Variants in MICU2 observed in about 807,000 individuals in gnomAD.
The protein encoded by MICU2 is mitochondrial calcium uptake 2, also known as calcium uptake protein 2, mitochondrial.
A neutral mutation model predicts 60.4 loss-of-function variants in MICU2; 64 were observed. The ratio of observed to expected loss-of-function variants is 1.06; its 90% CI spans 0.87 to 1.31. MICU2 has a LOEUF of 1.31. Ranked by LOEUF, MICU2 falls within the 50% of genes most tolerant of loss-of-function variation. The pLI is 0.00. For missense variants in MICU2, 569 were observed against 531.0 expected (o/e 1.07, Z -0.70); for synonymous variants, 201 against 175.0 (o/e 1.15, Z -1.17).
intron 2 of MICU2, among the ~76,000 whole-genome samples, chr13:21,545,659 C>G (rs557993598): frequency 6.7e-6 from 1 of 148,720 alleles, no homozygotes; most frequent in Non-Finnish European, 1.5e-5. Context: ...CCAGCAAGAG[C>G]GAAAACTCCA....
chr13:21,593,784 G>C (rs1306239679), intron 1 of MICU2, among the ~76,000 whole-genome samples: 1 of 152,058 alleles, frequency 6.6e-6, no homozygotes, highest in Non-Finnish European at 1.5e-5. Flanking sequence ...AATGGGGAAA[G>C]GATTACCTAT....
At chr13:21,495,015 AAT>A in intron 11 of MICU2, 144 bp downstream of exon 11, 1 of 535,648 alleles carries the variant, frequency 1.9e-6, no homozygotes, top group Non-Finnish European at 3.1e-6. Flanking sequence ...TCATATATAA[AAT>A]ATATTTCTGT....
intron 1 of MICU2, chr13:21,603,669 C>T (rs995252297): frequency 9.4e-6 from 5 of 529,988 alleles, no homozygotes; most frequent in African/African-American, 8.1e-5. Context: ...TTAGTGCGGC[C>T]AGTTTTGTGG....
chr13:21,544,384 A>T (rs755785229), intron 2 of MICU2, among the ~76,000 whole-genome samples: 2 of 152,086 alleles, frequency 1.3e-5, no homozygotes, highest in Non-Finnish European at 2.9e-5. Context: ...GGGAACAAAC[A>T]AGGGTAAAAA....
At chr13:21,550,602 C>A (rs188634981) in intron 2 of MICU2, among the ~76,000 whole-genome samples, 1 of 152,132 alleles carries the variant, frequency 6.6e-6, no homozygotes, top group Admixed American at 6.5e-5. Context: ...GGGAATAACG[C>A]TCATTATAAA....
intron 6 of MICU2, among the ~76,000 whole-genome samples, chr13:21,518,473 T>C (rs1234750379): frequency 6.6e-6 from 1 of 152,324 alleles, no homozygotes; most frequent in Non-Finnish European, 1.5e-5. Context: ...GGCTCCGCTA[T>C]GCCCACTTTA....
chr13:21,585,445 TA>T (rs1888435358), intron 1 of MICU2, among the ~76,000 whole-genome samples: 2 of 152,204 alleles, frequency 1.3e-5, no homozygotes, highest in African/African-American at 4.8e-5. Context: ...GTACTGTCAT[TA>T]AACCAATGCA....
chr13:21,551,419 C>T (rs1330377456), intron 2 of MICU2: 1 of 152,122 alleles, frequency 6.6e-6, no homozygotes, highest in African/African-American at 2.4e-5. Flanking sequence ...ACACAGACTT[C>T]TTTTTAAAAT....
intron 6 of MICU2, among the ~76,000 whole-genome samples, chr13:21,515,134 T>C (rs905659825): frequency 6.6e-6 from 1 of 151,390 alleles, no homozygotes; most frequent in Non-Finnish European, 1.5e-5. Flanking sequence ...CAGGCTGGAG[T>C]GCAGTGGCAC....
intron 2 of MICU2, among the ~76,000 whole-genome samples, chr13:21,544,400 C>T (rs1183008926): frequency 6.6e-6 from 1 of 151,106 alleles, no homozygotes; most frequent in African/African-American, 2.4e-5. Context: ...AAAAAGACAA[C>T]CTACAGAATG....
At chr13:21,521,891 C>CGTA (rs1482072617) in intron 5 of MICU2, among the ~76,000 whole-genome samples, 1 of 152,172 alleles carries the variant, frequency 6.6e-6, no homozygotes, top group Non-Finnish European at 1.5e-5. Context: ...ATCCTCCTAC[C>CGTA]TCAGCCTCGA....
At chr13:21,533,506 G>C (rs1399728317) in intron 4 of MICU2, among the ~76,000 whole-genome samples, 1 of 151,510 alleles carries the variant, frequency 6.6e-6, no homozygotes, top group Non-Finnish European at 1.5e-5. Flanking sequence ...TGTATTTTTA[G>C]TAGAGACGGG....
intron 1 of MICU2, among the ~76,000 whole-genome samples, chr13:21,591,175 A>T (rs1888574602): frequency 6.6e-6 from 1 of 152,070 alleles, no homozygotes; most frequent in Non-Finnish European, 1.5e-5. Flanking sequence ...AAAGGGATGG[A>T]GGAAAATTCA....
chr13:21,560,859 T>C (rs1887824083), intron 2 of MICU2, among the ~76,000 whole-genome samples: 2 of 152,216 alleles, frequency 1.3e-5, no homozygotes, highest in Non-Finnish European at 2.9e-5. Flanking sequence ...CCACCGACTA[T>C]ATTATATTGA....
intron 2 of MICU2, among the ~76,000 whole-genome samples, chr13:21,546,702 T>C (rs1887427545): frequency 6.6e-6 from 1 of 152,150 alleles, no homozygotes; most frequent in African/African-American, 2.4e-5. Context: ...ATTTTCTCTG[T>C]AGCTAGGTGG....
chr13:21,588,534 A>G (rs1395348441), intron 1 of MICU2, among the ~76,000 whole-genome samples: 2 of 152,278 alleles, frequency 1.3e-5, no homozygotes, highest in Non-Finnish European at 2.9e-5. Flanking sequence ...CGTGTCTCTC[A>G]TGACAGGGAG....
chr13:21,514,305 A>C (rs1390540201), intron 7 of MICU2, 48 bp downstream of exon 7: 3 of 1,454,004 alleles, frequency 2.1e-6, no homozygotes, highest in South Asian at 1.2e-5. Flanking sequence ...CAAACAAAAT[A>C]GAGTAGCTAT....
intron 6 of MICU2, among the ~76,000 whole-genome samples, chr13:21,516,149 A>G (rs1235239007): frequency 6.6e-6 from 1 of 152,150 alleles, no homozygotes; most frequent in Non-Finnish European, 1.5e-5. Flanking sequence ...GAAAAAATAC[A>G]TATATTAAAA....
At chr13:21,531,632 G>A (rs894673329) in intron 4 of MICU2, among the ~76,000 whole-genome samples, 26 of 152,106 alleles carry the variant, frequency 1.7e-4, no homozygotes, top group Admixed American at 2.6e-4. Context: ...AGTAGTACAC[G>A]CGTCAAGATT....
Sources: gnomAD v4.1 joint callset for allele counts (sites outside exome capture counted in the v4.1 genomes callset) on GRCh38, gnomAD v4.1.1 for gene constraint, MANE v1.5 for transcripts, NCBI Gene and HGNC (gene_info 2026-07-23, HGNC 2026-07-21) for gene names.